KCNAB1: variants seen among roughly 807,000 people sequenced by gnomAD.
KCNAB1 encodes the protein potassium voltage-gated channel subfamily A regulatory beta subunit 1.
A neutral mutation model predicts 64.6 loss-of-function variants in KCNAB1; 35 were observed. That is an observed-to-expected ratio of 0.54 (90% CI 0.41 to 0.72). The LOEUF (loss-of-function observed/expected upper bound fraction) is 0.72, where lower values mean the gene tolerates loss of function less well. KCNAB1 is among the 30% of genes least tolerant of loss of function. The pLI is 0.00. For synonymous variants in KCNAB1, 177 were observed against 183.8 expected (o/e 0.96, Z 0.30); for missense variants, 401 against 512.9 (o/e 0.78, Z 2.11).
At chr3:156,175,696 G>A (rs909105260) in intron 1 of KCNAB1, among the ~76,000 whole-genome samples, 8 of 152,214 alleles carry the variant, frequency 5.3e-5, no homozygotes, top group African/African-American at 1.9e-4. Flanking sequence ...AGTCATCCTG[G>A]TGAAATGGGA....
chr3:156,383,180 C>G (rs891688391), intron 1 of KCNAB1, among the ~76,000 whole-genome samples: 1 of 152,204 alleles, frequency 6.6e-6, no homozygotes, highest in South Asian at 2.1e-4. Context: ...GCAGAGCTCT[C>G]AGAGAGAGCA....
intron 5 of KCNAB1, among the ~76,000 whole-genome samples, chr3:156,461,205 G>A (rs1712883926): frequency 6.6e-6 from 1 of 152,178 alleles, no homozygotes; most frequent in East Asian, 1.9e-4. Context: ...CAGAAACTGG[G>A]TAACTTAAAA....
At chr3:156,164,427 C>T (rs775731219) in intron 1 of KCNAB1, among the ~76,000 whole-genome samples, 1 of 152,130 alleles carries the variant, frequency 6.6e-6, no homozygotes, top group African/African-American at 2.4e-5. Flanking sequence ...CCTACATGCC[C>T]CTGTTTTTAA....
chr3:156,297,773 T>C (rs529665300), intron 1 of KCNAB1, among the ~76,000 whole-genome samples: 28 of 152,062 alleles, frequency 1.8e-4, no homozygotes, highest in African/African-American at 5.8e-4. Context: ...TGTGTGTGTG[T>C]GCGCGTGTGC....
In KCNAB1 at chr3:156,151,924, A is replaced by G. The variant is rs1051586044; in HGVS notation, c.275+31038A>G. On this transcript the variant is annotated intron_variant, in intron 1 of 13. Transcript: ENST00000490337. ...GGTCTCCTTCAATCTGGAACAGTTCAGGAGAAATTAATTTTAGTATAGGAA... is the reference window on the plus strand; with the variant it reads ...GGTCTCCTTCAATCTGGAACAGTTCGGGAGAAATTAATTTTAGTATAGGAA... 4.6e-5 allele frequency among the ~76,000 whole-genome samples: 7 copies of G among 152,338 alleles called. No homozygotes were observed. The East Asian group carries it at 1.2e-3, about 25-fold the overall frequency.
intron 1 of KCNAB1, among the ~76,000 whole-genome samples, chr3:156,219,713 A>G (rs1198047107): frequency 6.7e-6 from 1 of 149,744 alleles, no homozygotes; most frequent in Non-Finnish European, 1.5e-5. Flanking sequence ...TATTATTATT[A>G]TTATTATTAT....
chr3:156,367,266 C>T (rs569228415), intron 1 of KCNAB1, among the ~76,000 whole-genome samples: 137 of 151,336 alleles, frequency 9.1e-4, no homozygotes, highest in African/African-American at 3.3e-3. Flanking sequence ...GGCTCCACCT[C>T]CTGGGTTCAC....
chr3:156,398,659 A>G (rs1218551268), intron 1 of KCNAB1, among the ~76,000 whole-genome samples: 1 of 151,766 alleles, frequency 6.6e-6, no homozygotes, highest in African/African-American at 2.4e-5. Context: ...ATGTATACCT[A>G]TGTAACAGTG....
chr3:156,305,120 A>C (rs778927760), intron 1 of KCNAB1, among the ~76,000 whole-genome samples: 1 of 152,074 alleles, frequency 6.6e-6, no homozygotes. Context: ...CAAGAGTTTC[A>C]GGATTGTTTT....
chr3:156,350,572 G>A (rs1311519622), intron 1 of KCNAB1, among the ~76,000 whole-genome samples: 1 of 151,840 alleles, frequency 6.6e-6, no homozygotes, highest in Admixed American at 6.6e-5. Flanking sequence ...AAAAAGAAGT[G>A]CTCTGAATAT....
chr3:156,463,280 G>A (rs1281033403), intron 5 of KCNAB1, among the ~76,000 whole-genome samples: 2 of 152,192 alleles, frequency 1.3e-5, no homozygotes, highest in African/African-American at 4.8e-5. Context: ...TACTGAATAC[G>A]TGTTCATTGT....
intron 7 of KCNAB1, among the ~76,000 whole-genome samples, chr3:156,467,869 C>T (rs1264454093): frequency 6.6e-6 from 1 of 151,992 alleles, no homozygotes; most frequent in African/African-American, 2.4e-5. Context: ...GTTAGATGAG[C>T]TGGTCTTATT....
chr3:156,170,828 T>G (rs1711922319), intron 1 of KCNAB1, among the ~76,000 whole-genome samples: 1 of 152,220 alleles, frequency 6.6e-6, no homozygotes, highest in Non-Finnish European at 1.5e-5. Flanking sequence ...TATGTTGGAC[T>G]CATATTTGGC....
intron 1 of KCNAB1, among the ~76,000 whole-genome samples, chr3:156,379,417 G>A (rs1174135964): frequency 6.6e-6 from 1 of 152,170 alleles, no homozygotes; most frequent in African/African-American, 2.4e-5. Flanking sequence ...GTGGATGAGG[G>A]TGTTGGTGTG....
At chr3:156,144,735 G>A (rs4359773) in intron 1 of KCNAB1, among the ~76,000 whole-genome samples, 76,512 of 151,990 alleles carry the variant, frequency 0.5, 21,212 homozygotes, top group Admixed American at 0.7. Flanking sequence ...GGGGAAGATG[G>A]ACCATTTCAC....
chr3:156,193,783 A>C (rs1462867236), intron 1 of KCNAB1, among the ~76,000 whole-genome samples: 2 of 152,114 alleles, frequency 1.3e-5, no homozygotes, highest in African/African-American at 4.8e-5. Context: ...ATGGGGATTA[A>C]AATTCTAGAT....
intron 1 of KCNAB1, among the ~76,000 whole-genome samples, chr3:156,180,922 T>A (rs1712765895): frequency 6.6e-6 from 1 of 152,120 alleles, no homozygotes; most frequent in African/African-American, 2.4e-5. Context: ...GAACAGAAAT[T>A]TATTTTCTCA....
At chr3:156,515,608 A>G (rs1717505925) in intron 10 of KCNAB1, among the ~76,000 whole-genome samples, 1 of 152,200 alleles carries the variant, frequency 6.6e-6, no homozygotes, top group Non-Finnish European at 1.5e-5. Flanking sequence ...TGTATCCACT[A>G]CCCTGGCCCT....
At chr3:156,182,545 T>C (rs1444902795) in intron 1 of KCNAB1, among the ~76,000 whole-genome samples, 1 of 152,108 alleles carries the variant, frequency 6.6e-6, no homozygotes, top group East Asian at 1.9e-4. Flanking sequence ...TCACCCTTAT[T>C]TTCCAATTTC....
Sources: gnomAD v4.1 joint callset for allele counts (sites outside exome capture counted in the v4.1 genomes callset) on GRCh38, gnomAD v4.1.1 for gene constraint, MANE v1.5 for transcripts, NCBI Gene and HGNC (gene_info 2026-07-23, HGNC 2026-07-21) for gene names.